The following NAV3 variants were observed in gnomAD, a reference collection of about 807,000 sequenced individuals.
NAV3 encodes pore membrane and/or filament interacting like protein 1.
A neutral mutation model predicts 244.7 loss-of-function variants in NAV3; 87 were observed. That is an observed-to-expected ratio of 0.36 (90% CI 0.30 to 0.42). The LOEUF (loss-of-function observed/expected upper bound fraction) is 0.42. Among genes scored for constraint, NAV3 ranks in the 20% least tolerant of loss-of-function variants. The pLI, the probability that NAV3 is intolerant of heterozygous loss-of-function variation, is 1.00. For missense variants in NAV3, 2,663 were observed against 2,893.3 expected (o/e 0.92, Z 1.83); for synonymous variants, 1,126 against 1,042.2 (o/e 1.08, Z -1.55).
At chr12:78,178,295 G>T (rs1593923082) in intron 28 of NAV3, among the ~76,000 whole-genome samples, 2 of 151,520 alleles carry the variant, frequency 1.3e-5, no homozygotes, top group South Asian at 4.2e-4. Context: ...GAGTAGCTGG[G>T]TTTACAGGCG....
chr12:77,688,928 A>T (rs1368049067), intron 2 of NAV3, among the ~76,000 whole-genome samples: 1 of 151,922 alleles, frequency 6.6e-6, no homozygotes. Flanking sequence ...GGAAAACCTG[A>T]ATTTTCAGAT....
At chr12:77,781,922 A>C (rs1194874130) in intron 2 of NAV3, among the ~76,000 whole-genome samples, 1 of 152,174 alleles carries the variant, frequency 6.6e-6, no homozygotes, top group African/African-American at 2.4e-5. Context: ...GTGACACTGC[A>C]TCACTTTTGC....
intron 2 of NAV3, among the ~76,000 whole-genome samples, chr12:77,808,970 A>T (rs1377025209): frequency 2.0e-5 from 3 of 151,976 alleles, no homozygotes; most frequent in Non-Finnish European, 4.4e-5. Context: ...CTTTTTTTAC[A>T]CTGTGAGGGG....
chr12:78,020,358 C>A (rs1015791948), intron 8 of NAV3, among the ~76,000 whole-genome samples: 4 of 151,980 alleles, frequency 2.6e-5, no homozygotes, highest in Non-Finnish European at 4.4e-5. Context: ...ACTTTGAGGT[C>A]TTTTTTTCTG....
At chr12:77,900,200 C>T (rs1193658405) in intron 1 of NAV3, among the ~76,000 whole-genome samples, 1 of 151,954 alleles carries the variant, frequency 6.6e-6, no homozygotes, top group Non-Finnish European at 1.5e-5. Context: ...CCTCAGCCTC[C>T]CGAGTAGCTG....
chr12:78,112,970 G>A (rs965896763), intron 12 of NAV3, among the ~76,000 whole-genome samples: 2 of 152,126 alleles, frequency 1.3e-5, no homozygotes, highest in South Asian at 2.1e-4. Context: ...GATTCCAAAC[G>A]GGAGGAATTG....
chr12:77,812,648 A>G (rs1408902080), intron 2 of NAV3, among the ~76,000 whole-genome samples: 1 of 151,614 alleles, frequency 6.6e-6, no homozygotes, highest in East Asian at 2.0e-4. Flanking sequence ...CTCCTGACCT[A>G]GGTGATCTGC....
intron 7 of NAV3, 141 bp downstream of exon 7, chr12:77,998,617 C>A: frequency 1.3e-6 from 1 of 776,820 alleles, no homozygotes; most frequent in Non-Finnish European, 1.9e-6. Flanking sequence ...CTAACTGTCC[C>A]CTCCTGACTG....
chr12:77,580,089 T>C (rs4761389), intron 2 of NAV3, among the ~76,000 whole-genome samples: 35,976 of 152,002 alleles, frequency 0.24, 4,647 homozygotes, highest in East Asian at 0.45. Flanking sequence ...AATGGCTTCC[T>C]AGTTTGCTCA....
chr12:77,665,493 A>C (rs978141515), intron 2 of NAV3, among the ~76,000 whole-genome samples: 1 of 152,192 alleles, frequency 6.6e-6, no homozygotes, highest in African/African-American at 2.4e-5. Context: ...TGTGAAGATA[A>C]TATTTATTCT....
In NAV3 at chr12:78,090,808, C is replaced by T. The variant is rs149526674; in HGVS notation, c.2637-25964C>T. Among the ~76,000 whole-genome samples the T allele has an allele frequency of 1.9e-3, 287 of 152,110 alleles. 2 individuals carry two copies. Among genetic ancestry groups the T allele is most frequent in the African/African-American group, 6.5e-3 (270 of 41,476 alleles). On this transcript the variant is annotated intron_variant, in intron 12 of 39. Coordinates refer to ENST00000397909, the MANE Select transcript of NAV3 (RefSeq NM_001024383.2). ...TCATATTTCTAAAATTCATTGACTT[C>T]AAAGATAAAAGTCAAAAAGATGTGA... is the stretch of plus-strand genomic sequence containing the variant.
At chr12:77,580,309 G>C (rs777994411) in intron 2 of NAV3, among the ~76,000 whole-genome samples, 6 of 151,350 alleles carry the variant, frequency 4.0e-5, no homozygotes, top group Admixed American at 1.3e-4. Context: ...CTCCACCCTA[G>C]CCCCAGGACA....
intron 1 of NAV3, among the ~76,000 whole-genome samples, chr12:77,872,427 T>C (rs1041062551): frequency 1.1e-4 from 16 of 152,126 alleles, no homozygotes; most frequent in African/African-American, 3.6e-4. Context: ...AAGAAGGGAC[T>C]GGTATAGGTA....
At position 78,116,943 on chromosome 12, in the gene NAV3, A is replaced by G. The variant is rs1255995983; in HGVS notation, c.2769+39A>G. ...CCTTTCTTTTTCCAGTGTTTCTGCC[A>G]GCTTTTTCCCCAAAATTACTTAATA... On this transcript the variant is annotated intron_variant, in intron 13 of 39. Transcript: ENST00000397909. 7 of 1,604,966 alleles carry G rather than the reference A, an allele frequency of 4.4e-6. No individual in the cohort carries two copies. The Admixed American group carries it at 8.4e-5, about 19-fold the overall frequency.
chr12:78,093,180 T>G (rs1446986030), intron 12 of NAV3, among the ~76,000 whole-genome samples: 1 of 152,200 alleles, frequency 6.6e-6, no homozygotes, highest in East Asian at 1.9e-4. Flanking sequence ...GTGACAAAAT[T>G]TGTGACAGTC....
In NAV3 at chr12:78,031,209, G is replaced by T. The variant is rs11107932; in HGVS notation, c.2023+9347G>T. ...TAAAATGTATAGTGTCTAGAAAGGG[G>T]TTTAGGTGAGTTAGGAGTTCTATAG... On this transcript the variant is annotated intron_variant, in intron 9 of 39. Transcript: ENST00000397909. Among the ~76,000 whole-genome samples, 971 of 152,270 alleles carry T rather than the reference G, an allele frequency of 6.4e-3. 11 individuals carry two copies. The highest frequency in any genetic ancestry group is 0.022 in the African/African-American group (912 of 41,548).
At position 78,021,878 on chromosome 12, in the gene NAV3, G is replaced by A. The variant is rs775956595; in HGVS notation, c.2023+16G>A. The A allele has an allele frequency of 1.9e-5, 28 of 1,488,354 alleles. No homozygotes were observed. Among genetic ancestry groups the A allele is most frequent in the Middle Eastern group, 1.7e-4 (1 of 5,776 alleles). 92.2% of individuals were successfully genotyped at this position (1,488,354 alleles called of 1,614,324 possible). On this transcript the variant is annotated intron_variant, in intron 9 of 39. Coordinates refer to ENST00000397909, the MANE Select transcript of NAV3 (RefSeq NM_001024383.2). The stretch of plus-strand genomic sequence containing the variant: ...GAGATATCTGGTAAGTGACCTCATC[G>A]ATGCATAGGTCAAACCTAGGAATTT...
chr12:77,844,563 T>C (rs1007839016), intron 1 of NAV3, among the ~76,000 whole-genome samples: 2 of 152,238 alleles, frequency 1.3e-5, no homozygotes, highest in African/African-American at 4.8e-5. Context: ...CAATGTAGTT[T>C]AAATAAAAAA....
chr12:77,741,148 CAA>C, intron 2 of NAV3, among the ~76,000 whole-genome samples: 150 of 68,672 alleles, frequency 2.2e-3, no homozygotes, highest in African/African-American at 8.2e-3. Context: ...AAAAAAAAGA[CAA>C]AAAAAAAAAA....
Sources: allele counts gnomAD v4.1 joint callset (sites outside exome capture counted in the v4.1 genomes callset), GRCh38; gene constraint gnomAD v4.1.1; transcripts MANE v1.5; gene names NCBI Gene and HGNC (gene_info 2026-07-23, HGNC 2026-07-21).